Variants in ZNF451 observed in about 807,000 individuals in gnomAD.
ZNF451 encodes the protein E3 SUMO-protein ligase ZNF451.
Under a neutral mutation model 107.1 loss-of-function variants are expected in ZNF451, and 80 were observed. The ratio of observed to expected loss-of-function variants is 0.75; its 90% confidence interval spans 0.62 to 0.90. The LOEUF (loss-of-function observed/expected upper bound fraction) is 0.90. Ranked by LOEUF, ZNF451 falls within the 40% of genes least tolerant of loss-of-function variation. ZNF451 has a pLI of 0.00. For missense variants in ZNF451, 1,107 were observed against 1,236.2 expected, an observed-to-expected ratio of 0.90 and a Z score of 1.57; for synonymous variants, 362 against 406.5, an observed-to-expected ratio of 0.89 and a Z score of 1.32.
At chr6:57,112,029 G>A (rs1830139544) in intron 3 of ZNF451, among the ~76,000 whole-genome samples, 2 of 149,312 alleles carry the variant, frequency 1.3e-5, no homozygotes, top group African/African-American at 4.9e-5. Flanking sequence ...GCTGGAGATG[G>A]TAAGATGGTA....
intron 3 of ZNF451, chr6:57,108,103 T>C: frequency 1.0e-6 from 1 of 968,340 alleles, no homozygotes; most frequent in Non-Finnish European, 1.2e-6. Context: ...CCTCCCAAAG[T>C]GCTGGGATTA....
chr6:57,112,038 T>C (rs1052100345), intron 3 of ZNF451, among the ~76,000 whole-genome samples: 1 of 152,210 alleles, frequency 6.6e-6, no homozygotes, highest in African/African-American at 2.4e-5. Flanking sequence ...GGTAAGATGG[T>C]AAATAAATAT....
At chr6:57,101,220 A>AG in intron 3 of ZNF451, 1 of 1,551,104 alleles carries the variant, frequency 6.4e-7, no homozygotes, top group Non-Finnish European at 8.7e-7. Context: ...TGGAACAAAG[A>AG]GGTGTTATAA....
At chr6:57,162,061 A>C (rs1213388724) in intron 14 of ZNF451, among the ~76,000 whole-genome samples, 6 of 152,188 alleles carry the variant, frequency 3.9e-5, no homozygotes, top group Non-Finnish European at 8.8e-5. Context: ...TGAGATAATG[A>C]ATCTTAGAAA....
rs1053734561 is a variant in ZNF451, at chr6:57,144,969, G to C, written c.1005-2121G>C. 3.9e-5 allele frequency among the ~76,000 whole-genome samples: 6 copies of C among 152,142 alleles called. No individual in the cohort carries two copies. The East Asian group carries it at 1.2e-3, about 29-fold the overall frequency. ...GATATGTGTGGCTTAACTTCTAAAG[G>C]TTTATAGATGTTACATTTAGGTATT... is the stretch of plus-strand genomic sequence containing the variant. On this transcript the variant is annotated intron_variant, in intron 9 of 14. Coordinates refer to ENST00000370706, the MANE Select transcript of ZNF451 (RefSeq NM_001031623.3).
In ZNF451 at chr6:57,095,409, T is replaced by C. The variant is rs376411974; in HGVS notation, c.106-3652T>C. On this transcript the variant is annotated intron_variant, in intron 2 of 14. Coordinates refer to ENST00000370706, the MANE Select transcript of ZNF451 (RefSeq NM_001031623.3). ...GTGCAGTGGCGTAATCATAGCTCAC[T>C]GCAGCCTTGAACTCCTAGGCTCAAG... 5.3e-5 allele frequency among the ~76,000 whole-genome samples: 8 copies of C among 150,666 alleles called. No individual in the cohort carries two copies. In the East Asian group the frequency reaches 1.6e-3, roughly 30 times the overall value.
intron 14 of ZNF451, among the ~76,000 whole-genome samples, chr6:57,166,546 G>A (rs950656400): frequency 3.3e-5 from 5 of 151,714 alleles, no homozygotes; most frequent in Admixed American, 2.6e-4. Context: ...AAACTTTTTT[G>A]TTAAAAACTA....
intron 2 of ZNF451, among the ~76,000 whole-genome samples, chr6:57,097,151 G>A (rs1829367714): frequency 6.6e-6 from 1 of 152,092 alleles, no homozygotes; most frequent in Non-Finnish European, 1.5e-5. Context: ...TGCTTCCTCT[G>A]TTTCTTTAAT....
intron 7 of ZNF451, among the ~76,000 whole-genome samples, chr6:57,135,755 A>G (rs1831398932): frequency 6.6e-6 from 1 of 152,152 alleles, no homozygotes; most frequent in Non-Finnish European, 1.5e-5. Context: ...GTTTTCTATT[A>G]TTAAAAACTA....
chr6:57,109,580 A>G, intron 3 of ZNF451: 3 of 985,238 alleles, frequency 3.0e-6, no homozygotes, highest in Non-Finnish European at 3.6e-6. Context: ...ATAGATACAT[A>G]CATTTTAAAA....
At chr6:57,167,939 C>T (rs2127990426) in intron 14 of ZNF451, among the ~76,000 whole-genome samples, 1 of 152,234 alleles carries the variant, frequency 6.6e-6, no homozygotes, top group African/African-American at 2.4e-5. Context: ...GTTTCACTAC[C>T]TTAGATGCTA....
chr6:57,093,866 TG>T (rs534717367), intron 2 of ZNF451, among the ~76,000 whole-genome samples: 165 of 152,364 alleles, frequency 1.1e-3, no homozygotes, highest in African/African-American at 3.8e-3. Flanking sequence ...TCTTGAATGT[TG>T]GATTAAATTT....
Position 57,169,437 on chromosome 6 carries a change from G to A in ZNF451, c.*968G>A, listed in dbSNP as rs530376659. The A allele has an allele frequency of 1.4e-4, 21 of 151,996 alleles. 1 individual carries two copies. The South Asian group carries it at 1.7e-3, about 12-fold the overall frequency. The allele number at this position is 151,996 out of a possible 1,614,324, so 9.4% of individuals were successfully genotyped here. Reference sequence around the variant, plus strand: ...CCCCATTGTGAGTAATAAAAAATACGACATAAGTAGAAGACTAAGAAGGGC... The same window carrying A: ...CCCCATTGTGAGTAATAAAAAATACAACATAAGTAGAAGACTAAGAAGGGC... On this transcript the variant is annotated 3_prime_UTR_variant, in exon 15 of 15. Transcript: ENST00000370706.
chr6:57,097,213 G>T (rs1424788988), intron 2 of ZNF451, among the ~76,000 whole-genome samples: 2 of 152,160 alleles, frequency 1.3e-5, no homozygotes, highest in Non-Finnish European at 2.9e-5. Flanking sequence ...CTTTGCTACA[G>T]ATCCCTGCCC....
At chr6:57,138,267 T>G (rs1373388973) in intron 7 of ZNF451, among the ~76,000 whole-genome samples, 1 of 133,996 alleles carries the variant, frequency 7.5e-6, no homozygotes, top group African/African-American at 3.0e-5. Context: ...TGGTTCTGCC[T>G]TTTTTTTTTT....
In ZNF451 at chr6:57,133,170, CT is replaced by C. The variant is rs779680312; in HGVS notation, c.555del (p.Leu186SerfsTer2). The C allele has an allele frequency of 1.9e-6, 3 of 1,613,944 alleles. No individual in the cohort carries two copies. The highest frequency in any genetic ancestry group is 8.5e-7 in the Non-Finnish European group (1 of 1,179,910). On this transcript the variant is annotated frameshift_variant, in exon 6 of 15. Transcript: ENST00000370706. LOFTEE classifies it high-confidence loss of function. ...TAACAAGGAGTTTGACAATGGGCACCTTCTCTTAGGACATTTGAAAAGGTAA... is the reference window on the plus strand; with the variant it reads ...TAACAAGGAGTTTGACAATGGGCACCTCTCTTAGGACATTTGAAAAGGTAA... Reference protein sequence around the residue: ...HCNKEFDNGHLLLGHLKRFDH... With the variant: ...HCNKEFDNGHXLLGHLKRFDH...
chr6:57,140,133 C>T (rs1330447730), intron 7 of ZNF451, among the ~76,000 whole-genome samples: 1 of 151,590 alleles, frequency 6.6e-6, no homozygotes, highest in Non-Finnish European at 1.5e-5. Context: ...ACAAACTGAC[C>T]AGAAGGAGAA....
At chr6:57,119,650 TCCTCC>T (rs1403487014) in intron 3 of ZNF451, among the ~76,000 whole-genome samples, 1 of 152,054 alleles carries the variant, frequency 6.6e-6, no homozygotes, top group Non-Finnish European at 1.5e-5. Flanking sequence ...TCCACTTACC[TCCTCC>T]CCTCCCACCC....
At chr6:57,154,340 T>A in intron 13 of ZNF451, 1 of 466,428 alleles carries the variant, frequency 2.1e-6, no homozygotes, top group Admixed American at 3.8e-5. Context: ...TACTACAATT[T>A]TAAAAGCTCA....
Sources: gnomAD v4.1 joint callset for allele counts (sites outside exome capture counted in the v4.1 genomes callset) on GRCh38, gnomAD v4.1.1 for gene constraint, MANE v1.5 for transcripts, NCBI Gene and HGNC (gene_info 2026-07-23, HGNC 2026-07-21) for gene names.